DZIP1: variants seen among roughly 807,000 people sequenced by gnomAD.
DZIP1 encodes the protein DAZ interacting zinc finger protein 1.
Under a neutral mutation model 107.6 loss-of-function variants are expected in DZIP1, and 97 were observed. The ratio of observed to expected loss-of-function variants is 0.90; its 90% CI spans 0.77 to 1.07. The LOEUF is 1.07. Ranked by LOEUF, DZIP1 falls within the 50% of genes least tolerant of loss-of-function variation. The pLI is 0.00. For missense variants in DZIP1, 1,035 were observed against 1,063.6 expected (o/e 0.97, Z 0.37); for synonymous variants, 390 against 386.4 (o/e 1.01, Z -0.11).
chr13:95,589,483 T>C (rs1044263164), intron 18 of DZIP1, among the ~76,000 whole-genome samples: 1 of 152,082 alleles, frequency 6.6e-6, no homozygotes, highest in African/African-American at 2.4e-5. Flanking sequence ...TGGGGGGCCT[T>C]TGGGAGGTGA....
intron 9 of DZIP1, among the ~76,000 whole-genome samples, chr13:95,620,279 G>T (rs557696258): frequency 6.6e-6 from 1 of 152,058 alleles, no homozygotes; most frequent in Admixed American, 6.5e-5. Flanking sequence ...GTTCCCCTTT[G>T]TCCTTCTGCC....
Position 95,585,008 on chromosome 13 carries a change from T to C in DZIP1, c.2350-98A>G, listed in dbSNP as rs2044124205. The stretch of plus-strand genomic sequence containing the variant: ...AGACTGAGCATCTAACACTGAACCA[T>C]AAGGAAAGAAGTGGGGAACTATTAA... On this transcript the variant is annotated intron_variant, in intron 21 of 22. Transcript: ENST00000376829. The C allele has an allele frequency of 4.3e-6, 4 of 929,086 alleles. No individual in the cohort carries two copies. In the South Asian group the frequency reaches 6.5e-5, roughly 15 times the overall value. The allele number at this position is 929,086 out of a possible 1,614,324, so 57.6% of individuals were successfully genotyped here. A position where few individuals can be genotyped will look rare whatever the true frequency, so the allele number is the denominator to read the frequency against.
intron 16 of DZIP1, among the ~76,000 whole-genome samples, chr13:95,593,230 T>A (rs1347723826): frequency 6.6e-6 from 1 of 152,190 alleles, no homozygotes. Flanking sequence ...CATACACAGA[T>A]ATCTGCATAC....
chr13:95,631,478 C>CA (rs1405976997), intron 6 of DZIP1, among the ~76,000 whole-genome samples: 1 of 150,788 alleles, frequency 6.6e-6, no homozygotes, highest in African/African-American at 2.4e-5. Context: ...AAAAAAAAAA[C>CA]AAAAAACGAT....
intron 7 of DZIP1, among the ~76,000 whole-genome samples, chr13:95,627,681 G>A (rs912541415): frequency 1.3e-5 from 2 of 152,176 alleles, no homozygotes; most frequent in African/African-American, 4.8e-5. Context: ...GAACATTACT[G>A]GTGAAAATGT....
At chr13:95,606,486 C>T (rs370033989) in intron 13 of DZIP1, among the ~76,000 whole-genome samples, 4 of 152,208 alleles carry the variant, frequency 2.6e-5, no homozygotes, top group Admixed American at 2.0e-4. Context: ...TGCAATCATA[C>T]AGTATGTGGT....
At chr13:95,629,863 T>TA in intron 7 of DZIP1, 126 bp downstream of exon 7, 1 of 958,520 alleles carries the variant, frequency 1.0e-6, no homozygotes, top group South Asian at 2.5e-5. Flanking sequence ...AGATTGGCAA[T>TA]AAAAAATGCA....
At chr13:95,599,552 C>T (rs990334621) in intron 14 of DZIP1, 128 bp from the exon 15 acceptor site, 3 of 797,266 alleles carry the variant, frequency 3.8e-6, no homozygotes, top group Middle Eastern at 3.7e-4. Flanking sequence ...CAAGAATTTA[C>T]TGAGGAAAAA....
At chr13:95,613,999 G>A (rs548405599) in intron 10 of DZIP1, among the ~76,000 whole-genome samples, 2 of 152,124 alleles carry the variant, frequency 1.3e-5, no homozygotes, top group African/African-American at 4.8e-5. Context: ...GGTGGGGTTA[G>A]CCTGTAGTCC....
chr13:95,620,078 G>C, intron 9 of DZIP1, 131 bp from the exon 10 acceptor site: 1 of 932,292 alleles, frequency 1.1e-6, no homozygotes, highest in Non-Finnish European at 1.6e-6. Context: ...TAGTGAAACA[G>C]TTTGGCTCTC....
At chr13:95,626,611 A>T (rs950012836) in intron 7 of DZIP1, among the ~76,000 whole-genome samples, 19 of 152,218 alleles carry the variant, frequency 1.2e-4, no homozygotes, top group Non-Finnish European at 2.2e-4. Flanking sequence ...TCTACCAACT[A>T]TTTTAAAAAA....
At chr13:95,637,604 ATCTCTCTCTC>A (rs10539901) in intron 5 of DZIP1, among the ~76,000 whole-genome samples, 92,987 of 145,004 alleles carry the variant, frequency 0.64, 31,514 homozygotes, top group Non-Finnish European at 0.77. Context: ...GACATTAGCG[ATCTCTCTCTC>A]TCTCTCTCTC....
intron 16 of DZIP1, among the ~76,000 whole-genome samples, chr13:95,591,987 A>G (rs1442960296): frequency 1.3e-5 from 2 of 152,226 alleles, no homozygotes; most frequent in African/African-American, 4.8e-5. Flanking sequence ...ATGGTATGGG[A>G]AAAGGAACAC....
chr13:95,631,201 T>A (rs571262220), intron 6 of DZIP1, among the ~76,000 whole-genome samples: 1 of 152,254 alleles, frequency 6.6e-6, no homozygotes, highest in East Asian at 1.9e-4. Flanking sequence ...CACGCCTGTA[T>A]TCCTAGCCCT....
intron 13 of DZIP1, among the ~76,000 whole-genome samples, chr13:95,608,998 T>TC (rs1469405711): frequency 2.0e-5 from 3 of 152,240 alleles, no homozygotes; most frequent in Admixed American, 6.5e-5. Flanking sequence ...TCCTTTTGTT[T>TC]TACTGCAGAA....
chr13:95,641,330 G>C lies in DZIP1; in HGVS notation c.562C>G (p.Gln188Glu), dbSNP rs748402373. The change falls in exon 5 of 23, where the codon CAG becomes GAG. Residue 188 changes from glutamine to glutamate, a missense_variant. Coordinates refer to ENST00000376829, the MANE Select transcript of DZIP1 (RefSeq NM_198968.4). This position sits in a 1 kb window ranked among gnomAD's most constrained non-coding sequence, Gnocchi z 4.3. ...KRRKKMISTQ[Q>E]LMIEAKANYY... ...TTGGCTTTGGCCTCGATCATCAGCT[G>C]CTGGGTGGAGATCATCTTCTTCCGG... 1.9e-6 allele frequency: 3 copies of C among 1,605,396 alleles called. No homozygotes were observed. The highest frequency in any genetic ancestry group is 1.7e-5 in the Admixed American group (1 of 59,760).
intron 11 of DZIP1, 112 bp downstream of exon 11, chr13:95,611,925 T>C (rs1284941587): frequency 3.7e-6 from 5 of 1,344,518 alleles, no homozygotes; most frequent in Non-Finnish European, 4.9e-6. Context: ...GGGAAAAATA[T>C]TCCATCTTCC....
Position 95,630,005 on chromosome 13 carries a change from G to A in DZIP1, c.794C>T (p.Ala265Val), listed in dbSNP as rs371734867. The A allele has an allele frequency of 4.3e-6, 7 of 1,609,314 alleles. No individual in the cohort carries two copies. The South Asian group carries it at 7.8e-5, about 18-fold the overall frequency. ...GCCTGGTACCTTGGAGAATCTGACT[G>A]CACTGGCATGGTGTGCAGCCTCTAG... ...SELEAAHHAS[A>V]VRFSKEYEMQ... Residue 265 changes from alanine to valine, a missense_variant, in exon 7 of 23, where the codon GCA (alanine) becomes GTA (valine). Ala to Val is a moderately conservative substitution (Grantham distance 64, BLOSUM62 0). Coordinates refer to ENST00000376829, the MANE Select transcript of DZIP1 (RefSeq NM_198968.4).
chr13:95,625,014 T>G, intron 7 of DZIP1, 85 bp from the exon 8 acceptor site: 1 of 1,215,096 alleles, frequency 8.2e-7, no homozygotes, highest in Non-Finnish European at 1.1e-6. Flanking sequence ...TAGCATCACT[T>G]CAAAAATGTT....
Sources: allele counts gnomAD v4.1 joint callset (sites outside exome capture counted in the v4.1 genomes callset), GRCh38; gene constraint gnomAD v4.1.1; non-coding constraint Gnocchi (gnomAD v3.1); transcripts MANE v1.5; gene names NCBI Gene and HGNC (gene_info 2026-07-23, HGNC 2026-07-21).